The following CPA4 variants were observed in gnomAD, a reference collection of about 807,000 sequenced individuals.
CPA4 encodes the protein carboxypeptidase A4.
A neutral mutation model predicts 54.7 loss-of-function variants in CPA4; 49 were observed. The observed-to-expected ratio is 0.90, with a 90% CI of 0.71 to 1.14. CPA4 has a LOEUF of 1.14. Ranked by LOEUF, CPA4 falls within the 50% of genes most tolerant of loss-of-function variation. The pLI is 0.00. For synonymous variants in CPA4, 215 were observed against 206.8 expected (o/e 1.04, Z -0.34); for missense variants, 487 against 525.1 (o/e 0.93, Z 0.71).
chr7:130,300,962 T>C, intron 4 of CPA4, 48 bp downstream of exon 4: 8 of 1,190,068 alleles, frequency 6.7e-6, no homozygotes, highest in Non-Finnish European at 1.0e-5. Context: ...GCCTCCTGAA[T>C]TTTGTAACCT....
rs763242315 is a variant in CPA4 at position 130,310,844 on chromosome 7, C to T, written c.851C>T (p.Ser284Leu). Reference protein sequence around the residue: ...SEVYHGPHANSEVEVKSVVDF... With the variant: ...SEVYHGPHANLEVEVKSVVDF... ...GTGTACCATGGACCCCACGCCAATT[C>T]GGAAGTGGAGGTGAAATCAGTGGTA... is the stretch of plus-strand genomic sequence containing the variant. Residue 284 changes from serine (S) to leucine (L), a missense_variant, in exon 9 of 11, where the codon TCG (serine) becomes TTG (leucine). Transcript: ENST00000222482. The surrounding 1 kb of genome is among the most constrained non-coding windows in gnomAD (Gnocchi z 4.3). 9.3e-6 allele frequency: 15 copies of T among 1,614,226 alleles called. No homozygotes were observed. In the East Asian group the frequency reaches 1.6e-4, roughly 17 times the overall value.
chr7:130,322,580 C>T lies in CPA4; in HGVS notation c.1170C>T (p.Gly390=). The change falls in exon 11 of 11, where the codon GGC becomes GGT. Residue 390 remains glycine, a synonymous_variant. Coordinates refer to ENST00000222482, the MANE Select transcript of CPA4 (RefSeq NM_016352.4). ...AGTTGAGAGATACCGGGACCTATGG[C>T]TTCCTCCTGCCAGCTAACCAGATCA... ...TFELRDTGTY[G]FLLPANQIIP... 1 of 1,614,172 alleles carries T rather than the reference C, an allele frequency of 6.2e-7. No individual in the cohort carries two copies. The highest frequency in any genetic ancestry group is 1.1e-5 in the South Asian group (1 of 91,084).
rs747841049 is a variant in CPA4, at chr7:130,306,915, G to A, written c.702+18G>A. 6.6e-6 allele frequency: 9 copies of A among 1,354,062 alleles called. No homozygotes were observed. The East Asian group carries it at 2.1e-4, about 31-fold the overall frequency. 83.9% of individuals were successfully genotyped at this position (1,354,062 alleles called of 1,614,324 possible). ...AAACTCAAGTGAGTATTCCCAAATG[G>A]GCTGGGCTTGCAGACTGTTGAATTC... On this transcript the variant is annotated intron_variant, in intron 7 of 10. Transcript: ENST00000222482.
At position 130,310,127 on chromosome 7, in the gene CPA4, G is replaced by A. The variant is rs181256079; in HGVS notation, c.794-660G>A. 4.5e-4 allele frequency among the ~76,000 whole-genome samples: 68 copies of A among 152,202 alleles called. No homozygotes were observed. The highest frequency in any genetic ancestry group is 6.8e-3 in the Middle Eastern group (2 of 294). The stretch of plus-strand genomic sequence containing the variant: ...TATAGAAATACCACACAAACCATTG[G>A]GGGAAAATAATGACTGTGGGAAAGG... On this transcript the variant is annotated intron_variant, in intron 8 of 10. Transcript: ENST00000222482. The surrounding 1 kb of genome is among the most constrained non-coding windows in gnomAD (Gnocchi z 4.3).
At chr7:130,318,536 C>T (rs993129244) in intron 10 of CPA4, among the ~76,000 whole-genome samples, 8 of 152,170 alleles carry the variant, frequency 5.3e-5, no homozygotes, top group East Asian at 1.9e-4. Context: ...CTCAGCCTCC[C>T]GAGTAACTGG....
chr7:130,300,900 C>T lies in CPA4; in HGVS notation c.370C>T (p.His124Tyr), dbSNP rs1793730598. The T allele has an allele frequency of 3.1e-6, 5 of 1,610,846 alleles. No individual in the cohort carries two copies. The highest frequency in any genetic ancestry group is 4.2e-6 in the Non-Finnish European group (5 of 1,177,156). Residue 124 changes from histidine to tyrosine, a missense_variant, in exon 4 of 11, where the codon CAT (histidine) becomes TAT (tyrosine). Transcript: ENST00000222482. ...TAATAACTTCAACTACGGGGCTTAC[C>T]ATTCCCTGGAAGCTGTAAGTGTTTC... ...SSNNFNYGAY[H>Y]SLEAIYHEMD...
rs908809133 is a variant in CPA4 at position 130,314,832 on chromosome 7, G to T, written c.1078+2710G>T. Reference sequence around the variant, plus strand: ...TGAAGGGCTGTAATGCGGTTGGTTAGGAAGCGACGAAAGTTTGGGAGAGAA... The same window carrying T: ...TGAAGGGCTGTAATGCGGTTGGTTATGAAGCGACGAAAGTTTGGGAGAGAA... On this transcript the variant is annotated intron_variant, in intron 10 of 10. Coordinates refer to ENST00000222482, the MANE Select transcript of CPA4 (RefSeq NM_016352.4). Among the ~76,000 whole-genome samples, 2 of 152,124 alleles carry T rather than the reference G, an allele frequency of 1.3e-5. 1 individual carries two copies. Among genetic ancestry groups the T allele is most frequent in the Admixed American group, 1.3e-4 (2 of 15,266 alleles).
intron 5 of CPA4, among the ~76,000 whole-genome samples, chr7:130,305,243 G>T (rs1793801658): frequency 6.6e-6 from 1 of 152,176 alleles, no homozygotes; most frequent in African/African-American, 2.4e-5. Flanking sequence ...CAGTGGGAGA[G>T]GAGACCTGCC....
rs1249548992 is a variant in CPA4 at position 130,308,850 on chromosome 7, C to CTTTTTTTTTTTTTT, written c.793+455_793+468dup. Among the ~76,000 whole-genome samples, 349 of 120,200 alleles carry CTTTTTTTTTTTTTT rather than the reference C, an allele frequency of 2.9e-3. 21 individuals are homozygous for CTTTTTTTTTTTTTT. The highest frequency in any genetic ancestry group is 0.012 in the African/African-American group (332 of 28,014). 78.9% of individuals were successfully genotyped at this position (120,200 alleles called of 152,430 possible). A position where few individuals can be genotyped will look rare whatever the true frequency, so the allele number is the denominator to read the frequency against. ...ATAGCCGTAAGCCACCTAGCCCAGC[C>CTTTTTTTTTTTTTT]TTTTTTTTTTTTTTTGAGACAGAGT... On this transcript the variant is annotated intron_variant, in intron 8 of 10. Coordinates refer to ENST00000222482, the MANE Select transcript of CPA4 (RefSeq NM_016352.4).
chr7:130,296,607 C>T (rs1247557433), intron 1 of CPA4, among the ~76,000 whole-genome samples: 1 of 149,246 alleles, frequency 6.7e-6, no homozygotes. Flanking sequence ...GTAGCCAGTG[C>T]TGCATTTTAC....
At chr7:130,300,947 T>A (rs1327603834) in intron 4 of CPA4, 33 bp downstream of exon 4, 1 of 1,391,944 alleles carries the variant, frequency 7.2e-7, no homozygotes, top group South Asian at 1.2e-5. Context: ...AGATCAAGGT[T>A]CTCTGCCTCC....
intron 4 of CPA4, among the ~76,000 whole-genome samples, chr7:130,302,735 A>G (rs561254238): frequency 8.3e-4 from 126 of 151,376 alleles, no homozygotes; most frequent in African/African-American, 2.9e-3. Flanking sequence ...CTTTTCCTCC[A>G]CTCCCTAGGG....
At position 130,311,224 on chromosome 7, in the gene CPA4, C is replaced by A. The variant is rs372397075; in HGVS notation, c.993+238C>A. 2.6e-5 allele frequency among the ~76,000 whole-genome samples: 4 copies of A among 152,174 alleles called. No homozygotes were observed. In the South Asian group the frequency reaches 8.3e-4, roughly 32 times the overall value. On this transcript the variant is annotated intron_variant, in intron 9 of 10. Transcript: ENST00000222482. Reference sequence around the variant, plus strand: ...CAGAACCGTGCCTGCCCCGCCTTTCCGTCTCCCTTGTTTTTCTGACTGCCA... The same window carrying A: ...CAGAACCGTGCCTGCCCCGCCTTTCAGTCTCCCTTGTTTTTCTGACTGCCA...
rs750168273 is a variant in CPA4 at position 130,310,849 on chromosome 7, G to A, written c.856G>A (p.Val286Met). 7.4e-6 allele frequency: 12 copies of A among 1,614,264 alleles called. No homozygotes were observed. In the Admixed American group the frequency reaches 2.0e-4, roughly 27 times the overall value. Residue 286 changes from valine (V) to methionine (M), a missense_variant, in exon 9 of 11, where the codon GTG (valine) becomes ATG (methionine). By Grantham distance (21) the Val-to-Met change is conservative (BLOSUM62 1). Transcript: ENST00000222482. This position sits in a 1 kb window ranked among gnomAD's most constrained non-coding sequence, Gnocchi z 4.3. ...VYHGPHANSE[V>M]EVKSVVDFIQ... is the part of the protein sequence containing the mutation. ...CCATGGACCCCACGCCAATTCGGAA[G>A]TGGAGGTGAAATCAGTGGTAGATTT... is the stretch of plus-strand genomic sequence containing the variant.
chr7:130,301,038 G>A lies in CPA4; in HGVS notation c.384+124G>A, dbSNP rs1490309212. Reference sequence around the variant, plus strand: ...TCCCCTCACTGAGGGGCTAAAATGTGTACACTTCAATTCCTTTCTAATTCT... The same window carrying A: ...TCCCCTCACTGAGGGGCTAAAATGTATACACTTCAATTCCTTTCTAATTCT... On this transcript the variant is annotated intron_variant, in intron 4 of 10. Transcript: ENST00000222482. 4.5e-6 allele frequency: 3 copies of A among 668,798 alleles called. No homozygotes were observed. The African/African-American group carries it at 5.4e-5, about 12-fold the overall frequency. The allele number at this position is 668,798 out of a possible 1,614,324, so 41.4% of individuals were successfully genotyped here.
rs764066820 is a variant in CPA4 at position 130,322,589 on chromosome 7, G to T, written c.1179G>T (p.Leu393=). The change falls in exon 11 of 11, where the codon CTG becomes CTT. Residue 393 remains leucine, a synonymous_variant. Transcript: ENST00000222482. ...LRDTGTYGFL[L]PANQIIPTAE... is the part of the protein sequence containing the mutation. ...ATACCGGGACCTATGGCTTCCTCCT[G>T]CCAGCTAACCAGATCATCCCCACTG... 6.2e-7 allele frequency: 1 copy of T among 1,614,210 alleles called. No homozygotes were observed. The highest frequency in any genetic ancestry group is 1.7e-5 in the Admixed American group (1 of 60,024).
intron 7 of CPA4, among the ~76,000 whole-genome samples, chr7:130,307,627 C>T (rs943321922): frequency 2.2e-5 from 2 of 91,182 alleles, no homozygotes; most frequent in Non-Finnish European, 4.7e-5. Flanking sequence ...AAGACTCCAT[C>T]TCAGAAAAAA....
At chr7:130,305,151 A>T (rs1393340053) in intron 5 of CPA4, among the ~76,000 whole-genome samples, 1 of 152,240 alleles carries the variant, frequency 6.6e-6, no homozygotes, top group Non-Finnish European at 1.5e-5. Flanking sequence ...CCCATGGAAC[A>T]CCAATGGTGC....
At chr7:130,311,934 CGGGG>C in intron 9 of CPA4, 100 bp from the exon 10 acceptor site, 2 of 813,222 alleles carry the variant, frequency 2.5e-6, no homozygotes, top group Admixed American at 4.1e-5. Context: ...GAAAGGAAAT[CGGGG>C]GGGGCTGAGA....
Sources: allele counts gnomAD v4.1 joint callset (sites outside exome capture counted in the v4.1 genomes callset), GRCh38; gene constraint gnomAD v4.1.1; non-coding constraint Gnocchi (gnomAD v3.1); transcripts MANE v1.5; gene names NCBI Gene and HGNC (gene_info 2026-07-23, HGNC 2026-07-21).